Variants in MYH13 observed in about 807,000 individuals in gnomAD.
MYH13 encodes myosin heavy chain 13, also known as myosin-13.
MYH13 carries 177 observed loss-of-function variants against 232.1 expected under a neutral mutation model. The ratio of observed to expected loss-of-function variants is 0.76; its 90% CI spans 0.67 to 0.86. MYH13 has a LOEUF of 0.86. Among genes scored for constraint, MYH13 ranks in the 40% least tolerant of loss-of-function variants. MYH13 has a pLI of 0.00. For missense variants in MYH13, 2,246 were observed against 2,405.9 expected, an observed-to-expected ratio of 0.93 and a Z score of 1.39; for synonymous variants, 884 against 923.5, an observed-to-expected ratio of 0.96 and a Z score of 0.78.
intron 21 of MYH13, among the ~76,000 whole-genome samples, chr17:10,329,542 A>G (rs150255867): frequency 2.6e-4 from 40 of 152,206 alleles, no homozygotes; most frequent in Non-Finnish European, 4.7e-4. Context: ...CTCTCCATCA[A>G]TGACAGGGTG....
At chr17:10,342,905 A>G (rs1309105084) in intron 16 of MYH13, among the ~76,000 whole-genome samples, 1 of 152,040 alleles carries the variant, frequency 6.6e-6, no homozygotes, top group Non-Finnish European at 1.5e-5. Flanking sequence ...CCTGGCCACC[A>G]TGATGGAACC....
intron 8 of MYH13, 91 bp from the exon 9 acceptor site, chr17:10,355,238 T>G (rs577198197): frequency 1.7e-5 from 23 of 1,317,990 alleles, no homozygotes; most frequent in Non-Finnish European, 2.3e-5. Flanking sequence ...AGATAAATTA[T>G]AAATGCAAAA....
intron 2 of MYH13, among the ~76,000 whole-genome samples, chr17:10,365,038 A>G (rs2071823612): frequency 6.6e-6 from 1 of 151,452 alleles, no homozygotes; most frequent in Admixed American, 6.6e-5. Flanking sequence ...ACACCCAGCT[A>G]TTTTTTTTAT....
chr17:10,324,393 C>CGT, intron 22 of MYH13, 129 bp from the exon 23 acceptor site: 1 of 984,008 alleles, frequency 1.0e-6, no homozygotes, highest in Non-Finnish European at 1.5e-6. Context: ...CACATGCACG[C>CGT]ACATGTGCAC....
chr17:10,344,375 G>A (rs1597385109), intron 15 of MYH13, among the ~76,000 whole-genome samples: 1 of 152,036 alleles, frequency 6.6e-6, no homozygotes, highest in East Asian at 1.9e-4. Flanking sequence ...TTCAATAGGT[G>A]TACAAAAAAG....
At chr17:10,309,149 A>C in intron 35 of MYH13, 85 bp downstream of exon 35, 1 of 1,373,580 alleles carries the variant, frequency 7.3e-7, no homozygotes, top group Non-Finnish European at 9.8e-7. Context: ...CCCTGAGTGG[A>C]GGGATAGCGG....
chr17:10,302,689 T>C (rs1428669265), intron 39 of MYH13, among the ~76,000 whole-genome samples: 2 of 152,092 alleles, frequency 1.3e-5, no homozygotes, highest in African/African-American at 4.8e-5. Flanking sequence ...TTCCTATTGA[T>C]TTCACCTATT....
intron 22 of MYH13, among the ~76,000 whole-genome samples, chr17:10,325,644 G>A (rs955727334): frequency 4.6e-5 from 7 of 152,222 alleles, no homozygotes; most frequent in African/African-American, 1.2e-4. Flanking sequence ...GTTCTAAATC[G>A]GGCTATATCT....
Position 10,312,576 on chromosome 17 carries a change from T to G in MYH13, c.4363A>C (p.Lys1455Gln). 6.2e-7 allele frequency: 1 copy of G among 1,611,500 alleles called. No individual in the cohort carries two copies. The highest frequency in any genetic ancestry group is 8.5e-7 in the Non-Finnish European group (1 of 1,178,794). Residue 1455 changes from lysine (K) to glutamine (Q), a missense_variant and splice_region_variant, in exon 31 of 41, where the codon AAG becomes CAG. Transcript: ENST00000252172. ...AAAGAAAGCGGCTGGGGAAGGACCT[T>G]GTCGAAGTTCCTCTGCTTCTTGTCC... is the stretch of plus-strand genomic sequence containing the variant. ...TLDKKQRNFD[K>Q]VLAEWKQKLD...
chr17:10,328,024 T>G lies in MYH13; in HGVS notation c.2533A>C (p.Lys845Gln). 1 of 1,614,178 alleles carries G rather than the reference T, an allele frequency of 6.2e-7. No individual in the cohort carries two copies. The highest frequency in any genetic ancestry group is 8.5e-7 in the Non-Finnish European group (1 of 1,180,036). ...ATCTCCTTCTCGGCCTCTGCACTCT[T>G]CAGCAGGGGCTTGATTTTGAAGAAC... ...NLFFKIKPLL[K>Q]SAEAEKEMAT... The change falls in exon 22 of 41, where the codon AAG (lysine) becomes CAG (glutamine). Residue 845 changes from lysine (K) to glutamine (Q), a missense_variant. Coordinates refer to ENST00000252172, the MANE Select transcript of MYH13 (RefSeq NM_003802.3).
At chr17:10,358,656 C>A (rs2071767805) in intron 7 of MYH13, among the ~76,000 whole-genome samples, 1 of 151,994 alleles carries the variant, frequency 6.6e-6, no homozygotes, top group Non-Finnish European at 1.5e-5. Context: ...ACTTGGAAGG[C>A]TGAAGGATGA....
rs929518076 is a variant in MYH13 at position 10,312,204 on chromosome 17, G to A, written c.4366-128C>T. 21 of 1,047,390 alleles carry A rather than the reference G, an allele frequency of 2.0e-5. 1 individual carries two copies. The Middle Eastern group carries it at 1.2e-3, about 61-fold the overall frequency. 64.9% of individuals were successfully genotyped at this position (1,047,390 alleles called of 1,614,324 possible). A position where few individuals can be genotyped will look rare whatever the true frequency, so the allele number is the denominator to read the frequency against. ...ATCCTTAGGGACTGAAGAAGGAGGAGGAGCACTGTTCTAGATCAGGGACCC... is the reference window on the plus strand; with the variant it reads ...ATCCTTAGGGACTGAAGAAGGAGGAAGAGCACTGTTCTAGATCAGGGACCC... On this transcript the variant is annotated intron_variant, in intron 31 of 40. Coordinates refer to ENST00000252172, the MANE Select transcript of MYH13 (RefSeq NM_003802.3).
intron 11 of MYH13, among the ~76,000 whole-genome samples, chr17:10,352,876 T>G (rs2071721068): frequency 6.6e-6 from 1 of 152,228 alleles, no homozygotes; most frequent in African/African-American, 2.4e-5. Flanking sequence ...TAACCTAAAT[T>G]AGTATGTAAA....
chr17:10,313,911 C>A (rs1906610486), intron 29 of MYH13, among the ~76,000 whole-genome samples: 1 of 152,198 alleles, frequency 6.6e-6, no homozygotes, highest in African/African-American at 2.4e-5. Context: ...CTGGGGATTG[C>A]TGATGTGAGC....
At chr17:10,346,159 T>C (rs1331232442) in intron 13 of MYH13, among the ~76,000 whole-genome samples, 3 of 152,176 alleles carry the variant, frequency 2.0e-5, no homozygotes, top group Non-Finnish European at 4.4e-5. Flanking sequence ...GATATTTTTC[T>C]AACAACATGG....
At position 10,364,042 on chromosome 17, in the gene MYH13, C is replaced by G. The variant is rs563249262; in HGVS notation, c.204+285G>C. Among the ~76,000 whole-genome samples, 9 of 152,310 alleles carry G rather than the reference C, an allele frequency of 5.9e-5. No homozygotes were observed. The South Asian group carries it at 1.9e-3, about 32-fold the overall frequency. On this transcript the variant is annotated intron_variant, in intron 3 of 40. Coordinates refer to ENST00000252172, the MANE Select transcript of MYH13 (RefSeq NM_003802.3). ...TATAATTGGTCGGCCCATCCAGTATCAGCCTCTTCCTTAAATAGACCAACC... is the reference window on the plus strand; with the variant it reads ...TATAATTGGTCGGCCCATCCAGTATGAGCCTCTTCCTTAAATAGACCAACC...
intron 27 of MYH13, among the ~76,000 whole-genome samples, chr17:10,318,096 G>T (rs1906781377): frequency 6.6e-6 from 1 of 152,132 alleles, no homozygotes; most frequent in East Asian, 1.9e-4. Context: ...ACAAAAATTA[G>T]CCAGGCCTGG....
rs1906522594 is a variant in MYH13, at chr17:10,311,986, A to T, written c.4456T>A (p.Phe1486Ile). 2 of 1,613,968 alleles carry T rather than the reference A, an allele frequency of 1.2e-6. No individual in the cohort carries two copies. Among genetic ancestry groups the T allele is most frequent in the African/African-American group, 1.3e-5 (1 of 75,022 alleles). Residue 1486 changes from phenylalanine (F) to isoleucine (I), a missense_variant, in exon 32 of 41, where the codon TTC (phenylalanine) becomes ATC (isoleucine). Coordinates refer to ENST00000252172, the MANE Select transcript of MYH13 (RefSeq NM_003802.3). ...TCCTCATAGGCATTCCTCATCTTGA[A>T]GAGTTCAGTGCTGAGTGACCTGGAC... ...KESRSLSTEL[F>I]KMRNAYEEVV...
At chr17:10,356,258 G>C (rs1006336646) in intron 8 of MYH13, among the ~76,000 whole-genome samples, 1 of 152,220 alleles carries the variant, frequency 6.6e-6, no homozygotes, top group African/African-American at 2.4e-5. Flanking sequence ...CATGTGCACT[G>C]TAAGTGCTGT....
Sources: gnomAD v4.1 joint callset for allele counts (sites outside exome capture counted in the v4.1 genomes callset) on GRCh38, gnomAD v4.1.1 for gene constraint, MANE v1.5 for transcripts, NCBI Gene and HGNC (gene_info 2026-07-23, HGNC 2026-07-21) for gene names.